The following UNC13B variants were observed in gnomAD, a reference collection of about 807,000 sequenced individuals.
UNC13B encodes the protein protein unc-13 homolog B.
In UNC13B, 144 loss-of-function variants were observed where a neutral mutation model predicts 211.0. The ratio of observed to expected loss-of-function variants is 0.68; its 90% CI spans 0.60 to 0.78. The LOEUF (loss-of-function observed/expected upper bound fraction) is 0.78. UNC13B is among the 30% of genes least tolerant of loss of function. The probability of loss-of-function intolerance (pLI) is 0.00; values close to 1 mark genes in which losing one functional copy is unlikely to be tolerated. For synonymous variants in UNC13B, 709 were observed against 725.8 expected, an observed-to-expected ratio of 0.98 and a Z score of 0.37; for missense variants, 1,777 against 2,002.0, an observed-to-expected ratio of 0.89 and a Z score of 2.14.
At chr9:35,252,364 A>T (rs926606258) in intron 6 of UNC13B, among the ~76,000 whole-genome samples, 1 of 151,966 alleles carries the variant, frequency 6.6e-6, no homozygotes, top group African/African-American at 2.4e-5. Flanking sequence ...AGACAGTCTT[A>T]CTTTGTCACC....
At chr9:35,351,482 A>C (rs987605049) in intron 11 of UNC13B, 1 of 1,231,906 alleles carries the variant, frequency 8.1e-7, no homozygotes, top group Non-Finnish European at 1.0e-6. Context: ...CCTGACCAGA[A>C]ATAAGAGGAA....
chr9:35,230,905 T>C (rs577097458), intron 2 of UNC13B, among the ~76,000 whole-genome samples: 3 of 152,314 alleles, frequency 2.0e-5, no homozygotes, highest in Admixed American at 1.3e-4. Context: ...ATTAAAAAAA[T>C]AGTATTTTAG....
Position 35,237,286 on chromosome 9 carries a change from G to A in UNC13B, c.271-417G>A, listed in dbSNP as rs182234869. 6.8e-4 allele frequency among the ~76,000 whole-genome samples: 104 copies of A among 152,230 alleles called. 1 individual carries two copies. The East Asian group carries it at 0.016, about 23-fold the overall frequency. On this transcript the variant is annotated intron_variant, in intron 4 of 39. Transcript: ENST00000635942. ...CTGTATTTCTTTTAGTTCTAGCTAAGTCTCTACTCCCCAGGCAGATGGGCA... is the reference window on the plus strand; with the variant it reads ...CTGTATTTCTTTTAGTTCTAGCTAAATCTCTACTCCCCAGGCAGATGGGCA...
intron 11 of UNC13B, chr9:35,351,826 T>C: frequency 2.4e-6 from 3 of 1,232,212 alleles, no homozygotes; most frequent in Non-Finnish European, 2.0e-6. Flanking sequence ...GTTCTCAGGA[T>C]CCCTCATCTG....
intron 7 of UNC13B, among the ~76,000 whole-genome samples, chr9:35,273,674 C>T (rs1227601403): frequency 2.6e-5 from 4 of 152,286 alleles, no homozygotes; most frequent in Admixed American, 2.6e-4. Context: ...GCCTGCTCTA[C>T]AAGTGATGAT....
Position 35,304,200 on chromosome 9 carries a change from G to A in UNC13B, c.4796G>A (p.Trp1599Ter), listed in dbSNP as rs958421709. ...KVLDKEDEIF[W>*]YVEEEPIDDP... ...CTTGATAAGGAAGATGAAATATTTTGGTATGTTGAAGAGGAACCAATTGAT... is the reference window on the plus strand; with the variant it reads ...CTTGATAAGGAAGATGAAATATTTTAGTATGTTGAAGAGGAACCAATTGAT... Residue 1599 changes from tryptophan (W) to a stop codon, truncating the protein, a stop_gained, in exon 9 of 40, where the codon TGG (tryptophan) becomes TAG (stop). Coordinates refer to ENST00000635942, the MANE Select transcript of UNC13B (RefSeq NM_001371189.2). LOFTEE classifies it high-confidence loss of function. The A allele has an allele frequency of 1.3e-5, 5 of 398,654 alleles. No individual in the cohort carries two copies. The highest frequency in any genetic ancestry group is 2.2e-5 in the Non-Finnish European group (5 of 225,846). 24.7% of individuals were successfully genotyped at this position (398,654 alleles called of 1,614,324 possible). A position where few individuals can be genotyped will look rare whatever the true frequency, so the allele number is the denominator to read the frequency against.
intron 1 of UNC13B, among the ~76,000 whole-genome samples, chr9:35,202,445 G>T (rs1823365132): frequency 1.3e-5 from 2 of 152,120 alleles, no homozygotes; most frequent in Non-Finnish European, 1.5e-5. Flanking sequence ...CGTTGACAGT[G>T]GGGTGTTAAA....
At chr9:35,371,411 C>A (rs1834116782) in intron 13 of UNC13B, among the ~76,000 whole-genome samples, 1 of 150,770 alleles carries the variant, frequency 6.6e-6, no homozygotes, top group African/African-American at 2.4e-5. Context: ...AACTCCCGGG[C>A]TCAAGTGATC....
rs1836084478 is a variant in UNC13B at position 35,398,968 on chromosome 9, C to T, written c.12008C>T (p.Ala4003Val). The change falls in exon 33 of 40, where the codon GCC becomes GTC. Residue 4003 changes from alanine to valine, a missense_variant. Ala to Val is a moderately conservative substitution (Grantham distance 64). Transcript: ENST00000635942. The part of the protein sequence containing the change: ...VRGTGNASPD[A>V]RASAAQDADS... ...GGCACAGGGAATGCATCTCCAGACG[C>T]CAGGGCCTCAGCGGCTCAGGATGCA... 1 of 1,614,214 alleles carries T rather than the reference C, an allele frequency of 6.2e-7. No homozygotes were observed. Among genetic ancestry groups the T allele is most frequent in the Non-Finnish European group, 8.5e-7 (1 of 1,180,034 alleles).
Position 35,306,834 on chromosome 9 carries a change from A to G in UNC13B, c.7430A>G (p.Lys2477Arg). The part of the protein sequence containing the change: ...SFSGSLIEPP[K>R]TLSGLFSSPK... ...TCTGGGAGCTTAATTGAACCTCCCAAAACACTCTCTGGACTTTTCTCCTCT... is the reference window on the plus strand; with the variant it reads ...TCTGGGAGCTTAATTGAACCTCCCAGAACACTCTCTGGACTTTTCTCCTCT... Residue 2477 changes from lysine to arginine, a missense_variant, in exon 9 of 40, where the codon AAA (lysine) becomes AGA (arginine). Transcript: ENST00000635942. 1 of 399,056 alleles carries G rather than the reference A, an allele frequency of 2.5e-6. No individual in the cohort carries two copies. Among genetic ancestry groups the G allele is most frequent in the Non-Finnish European group, 4.4e-6 (1 of 226,058 alleles). The allele number at this position is 399,056 out of a possible 1,614,324, so 24.7% of individuals were successfully genotyped here.
intron 3 of UNC13B, among the ~76,000 whole-genome samples, chr9:35,235,392 T>C (rs962558500): frequency 3.3e-5 from 5 of 152,178 alleles, no homozygotes; most frequent in African/African-American, 9.7e-5. Context: ...ATCAAACTTA[T>C]ATGTTCTCAG....
Position 35,400,398 on chromosome 9 carries a change from A to T in UNC13B, c.12439A>T (p.Thr4147Ser). 6.2e-7 allele frequency: 1 copy of T among 1,614,064 alleles called. No individual in the cohort carries two copies. Among genetic ancestry groups the T allele is most frequent in the Non-Finnish European group, 8.5e-7 (1 of 1,179,956 alleles). The stretch of plus-strand genomic sequence containing the variant: ...TGCCCTGTCTCTGTACACACAGACT[A>T]CTGACACTCTCATCAAGACCTTTGT... Reference protein sequence around the residue: ...RYALSLYTQTTDTLIKTFVRS... With the variant: ...RYALSLYTQTSDTLIKTFVRS... The change falls in exon 37 of 40, where the codon ACT becomes TCT. Residue 4147 changes from threonine (T) to serine (S), a missense_variant. By Grantham distance (58) the Thr-to-Ser change is moderately conservative (BLOSUM62 1). Transcript: ENST00000635942.
intron 1 of UNC13B, among the ~76,000 whole-genome samples, chr9:35,166,849 G>T (rs1483575148): frequency 6.6e-6 from 1 of 152,118 alleles, no homozygotes; most frequent in Admixed American, 6.5e-5. Context: ...TGAGTATATA[G>T]GTTCTGCAGT....
chr9:35,276,560 G>T (rs1828189292), intron 7 of UNC13B, among the ~76,000 whole-genome samples: 1 of 152,108 alleles, frequency 6.6e-6, no homozygotes. Flanking sequence ...TTGTGGTGTT[G>T]TGAAGAGTTA....
chr9:35,267,300 TG>T (rs2131662975), intron 7 of UNC13B, among the ~76,000 whole-genome samples: 1 of 152,174 alleles, frequency 6.6e-6, no homozygotes, highest in East Asian at 1.9e-4. Flanking sequence ...TGGAACCACT[TG>T]GGCAGGAATA....
At chr9:35,339,776 G>A (rs1831874108) in intron 11 of UNC13B, among the ~76,000 whole-genome samples, 1 of 152,258 alleles carries the variant, frequency 6.6e-6, no homozygotes, top group African/African-American at 2.4e-5. Flanking sequence ...GGCTGGATGT[G>A]TTTGGGTGAC....
intron 7 of UNC13B, among the ~76,000 whole-genome samples, chr9:35,294,655 G>T (rs1313236970): frequency 6.6e-6 from 1 of 152,140 alleles, no homozygotes; most frequent in East Asian, 1.9e-4. Context: ...TGTGCTAAAA[G>T]TATCTCCATT....
intron 7 of UNC13B, among the ~76,000 whole-genome samples, chr9:35,283,537 C>A (rs1194932648): frequency 7.9e-5 from 12 of 151,800 alleles, no homozygotes; most frequent in Non-Finnish European, 1.5e-4. Flanking sequence ...TTGTTACTTT[C>A]TTCTACAAAC....
At position 35,235,945 on chromosome 9, in the gene UNC13B, G is replaced by A. The variant is rs550337067; in HGVS notation, c.153-524G>A. On this transcript the variant is annotated intron_variant, in intron 3 of 39. Coordinates refer to ENST00000635942, the MANE Select transcript of UNC13B (RefSeq NM_001371189.2). ...CTAATTATGATTGTATCTCCAAAGC[G>A]GAAAGAATGGATAGACAAAGGCATT... 6.6e-5 allele frequency among the ~76,000 whole-genome samples: 10 copies of A among 152,028 alleles called. No individual in the cohort carries two copies. In the East Asian group the frequency reaches 1.2e-3, roughly 18 times the overall value.
Sources: allele counts gnomAD v4.1 joint callset (sites outside exome capture counted in the v4.1 genomes callset), GRCh38; gene constraint gnomAD v4.1.1; transcripts MANE v1.5; gene names NCBI Gene and HGNC (gene_info 2026-07-23, HGNC 2026-07-21).